Variants in CALN1 observed in about 807,000 individuals in gnomAD.
The protein encoded by CALN1 is calneuron 1.
CALN1 carries 17 observed loss-of-function variants against 30.6 expected under a neutral mutation model. That is an observed-to-expected ratio of 0.56 (90% CI 0.38 to 0.83). The LOEUF (loss-of-function observed/expected upper bound fraction) is 0.83. Ranked by LOEUF, CALN1 falls within the 40% of genes least tolerant of loss-of-function variation. CALN1 has a pLI of 0.00. For synonymous variants in CALN1, 156 were observed against 131.4 expected (o/e 1.19, Z -1.28); for missense variants, 291 against 354.9 (o/e 0.82, Z 1.45).
chr7:71,792,970 T>G (rs1448567347), intron 6 of CALN1, among the ~76,000 whole-genome samples: 2 of 151,974 alleles, frequency 1.3e-5, no homozygotes, highest in African/African-American at 4.8e-5. Context: ...AGATAAGGAC[T>G]GAGCAATCGC....
intron 6 of CALN1, among the ~76,000 whole-genome samples, chr7:71,803,840 T>G (rs1384209662): frequency 6.6e-6 from 1 of 151,914 alleles, no homozygotes; most frequent in Non-Finnish European, 1.5e-5. Context: ...GTCCCTTCCT[T>G]GGGAGAAAAT....
chr7:72,187,889 C>T (rs1188887053), intron 3 of CALN1, among the ~76,000 whole-genome samples: 1 of 152,080 alleles, frequency 6.6e-6, no homozygotes, highest in Non-Finnish European at 1.5e-5. Flanking sequence ...AAAACTTATC[C>T]TGCAGGAAAT....
intron 2 of CALN1, among the ~76,000 whole-genome samples, chr7:72,307,223 T>A (rs1799715263): frequency 6.6e-6 from 1 of 152,206 alleles, no homozygotes; most frequent in Non-Finnish European, 1.5e-5. Flanking sequence ...CCAATTAACA[T>A]AAAATGAATA....
At chr7:72,113,611 A>C (rs1807728777) in intron 3 of CALN1, among the ~76,000 whole-genome samples, 1 of 152,088 alleles carries the variant, frequency 6.6e-6, no homozygotes, top group African/African-American at 2.4e-5. Context: ...CTAGCTCACC[A>C]CCTTCTTTCA....
intron 4 of CALN1, among the ~76,000 whole-genome samples, chr7:72,048,412 A>T (rs896728826): frequency 6.6e-6 from 1 of 152,068 alleles, no homozygotes; most frequent in Non-Finnish European, 1.5e-5. Flanking sequence ...GTGTGAGTAG[A>T]GCAGCACCTG....
At chr7:72,081,664 C>T (rs1338769393) in intron 4 of CALN1, among the ~76,000 whole-genome samples, 9 of 151,754 alleles carry the variant, frequency 5.9e-5, no homozygotes, top group African/African-American at 1.9e-4. Context: ...TCACGTGATC[C>T]TCCTGTCTCA....
At chr7:72,196,227 C>A (rs1790989656) in intron 3 of CALN1, among the ~76,000 whole-genome samples, 1 of 152,138 alleles carries the variant, frequency 6.6e-6, no homozygotes, top group African/African-American at 2.4e-5. Flanking sequence ...AAGCAGTTCT[C>A]CTGCCTCAGC....
At chr7:72,201,593 AAAAG>A (rs1308719683) in intron 3 of CALN1, among the ~76,000 whole-genome samples, 4 of 152,100 alleles carry the variant, frequency 2.6e-5, no homozygotes, top group Admixed American at 6.6e-5. Flanking sequence ...TTCGGAAAAA[AAAAG>A]AAAGAAAAAA....
the CALN1 span, among the ~76,000 whole-genome samples, chr7:72,490,705 C>A: frequency 6.6e-6 from 1 of 152,276 alleles, no homozygotes; most frequent in African/African-American, 2.4e-5. Flanking sequence ...TTCCCCTTTG[C>A]ACTTTCTCTC....
At chr7:71,930,141 G>C (rs1375594781) in intron 5 of CALN1, among the ~76,000 whole-genome samples, 1 of 152,078 alleles carries the variant, frequency 6.6e-6, no homozygotes, top group Non-Finnish European at 1.5e-5. Context: ...TACATGTTTT[G>C]GACAGACACA....
intron 5 of CALN1, among the ~76,000 whole-genome samples, chr7:72,002,904 G>A (rs1799596773): frequency 6.6e-6 from 1 of 152,136 alleles, no homozygotes; most frequent in East Asian, 1.9e-4. Flanking sequence ...GAGGAGTTGT[G>A]AGGTGGGGAG....
intron 2 of CALN1, among the ~76,000 whole-genome samples, chr7:72,349,345 A>G (rs1428071182): frequency 6.6e-6 from 1 of 151,204 alleles, no homozygotes; most frequent in Admixed American, 6.6e-5. Flanking sequence ...AACAGAAAAA[A>G]GTATTTGAAT....
intron 5 of CALN1, among the ~76,000 whole-genome samples, chr7:71,938,343 T>C (rs757952356): frequency 4.6e-5 from 7 of 152,048 alleles, no homozygotes; most frequent in Non-Finnish European, 1.0e-4. Context: ...CAAAAAACAT[T>C]GGGTAAATAA....
chr7:72,218,046 G>C (rs1194760630), intron 3 of CALN1, among the ~76,000 whole-genome samples: 1 of 151,064 alleles, frequency 6.6e-6, no homozygotes, highest in Non-Finnish European at 1.5e-5. Flanking sequence ...GTTTCAACAT[G>C]TTAGCCAGGA....
At chr7:72,349,653 G>T (rs1016901347) in intron 2 of CALN1, among the ~76,000 whole-genome samples, 1 of 152,152 alleles carries the variant, frequency 6.6e-6, no homozygotes, top group Non-Finnish European at 1.5e-5. Context: ...ACTGAGAATT[G>T]TCATGACGGT....
intron 4 of CALN1, among the ~76,000 whole-genome samples, chr7:72,066,079 C>T (rs1804001608): frequency 6.6e-6 from 1 of 152,204 alleles, no homozygotes; most frequent in African/African-American, 2.4e-5. Context: ...GAAACTGGTC[C>T]TGCTCTTGTC....
At chr7:72,348,069 T>C (rs918196693) in intron 2 of CALN1, among the ~76,000 whole-genome samples, 3 of 152,110 alleles carry the variant, frequency 2.0e-5, no homozygotes, top group African/African-American at 7.2e-5. Context: ...AAGCGAAGGT[T>C]GCAGTGAGCT....
At chr7:72,349,648 G>T (rs1349281970) in intron 2 of CALN1, among the ~76,000 whole-genome samples, 1 of 152,144 alleles carries the variant, frequency 6.6e-6, no homozygotes, top group Non-Finnish European at 1.5e-5. Context: ...AAAATACTGA[G>T]AATTGTCATG....
intron 2 of CALN1, among the ~76,000 whole-genome samples, chr7:72,401,547 G>A (rs1806344844): frequency 1.3e-5 from 2 of 152,118 alleles, no homozygotes; most frequent in South Asian, 2.1e-4. Flanking sequence ...TTAGCCCCAG[G>A]GTCTAAAGGG....
Sources: gnomAD v4.1 joint callset for allele counts (sites outside exome capture counted in the v4.1 genomes callset) on GRCh38, gnomAD v4.1.1 for gene constraint, MANE v1.5 for transcripts, NCBI Gene and HGNC (gene_info 2026-07-23, HGNC 2026-07-21) for gene names.